Variants in RNF220 observed in about 807,000 individuals in gnomAD.
The protein encoded by RNF220 is ring finger protein 220, also known as E3 ubiquitin-protein ligase RNF220.
In RNF220, 7 loss-of-function variants were observed where a neutral mutation model predicts 67.1. That is an observed-to-expected ratio of 0.10 (90% CI 0.06 to 0.20). The LOEUF is 0.20. Among genes scored for constraint, RNF220 ranks in the 10% least tolerant of loss-of-function variants. The probability of loss-of-function intolerance (pLI) is 1.00; values close to 1 mark genes in which losing one functional copy is unlikely to be tolerated. For synonymous variants in RNF220, 270 were observed against 283.2 expected (o/e 0.95, Z 0.47); for missense variants, 565 against 740.3 (o/e 0.76, Z 2.75).
intron 2 of RNF220, among the ~76,000 whole-genome samples, chr1:44,477,213 C>G (rs1035833296): frequency 6.6e-6 from 1 of 152,206 alleles, no homozygotes; most frequent in Non-Finnish European, 1.5e-5. Flanking sequence ...CCAGTATCCA[C>G]CAGTCTTAAT....
chr1:44,589,344 G>A (rs1245344057), intron 2 of RNF220, among the ~76,000 whole-genome samples: 3 of 152,196 alleles, frequency 2.0e-5, no homozygotes, highest in Non-Finnish European at 2.9e-5. Context: ...GCCGGGCGTG[G>A]TGGCTCACGC....
At position 44,412,274 on chromosome 1, in the gene RNF220, T is replaced by C; in HGVS notation, c.177T>C (p.His59=). 1 of 1,614,214 alleles carries C rather than the reference T, an allele frequency of 6.2e-7. No homozygotes were observed. Among genetic ancestry groups the C allele is most frequent in the Non-Finnish European group, 8.5e-7 (1 of 1,180,042 alleles). ...CTGTCTCAGTTGACAAGGACGTGCA[T>C]ATTCCTTTCACCAACGGTTCCTATA... ...GVPVSVDKDV[H]IPFTNGSYTF... The change falls in exon 2 of 15, where the codon CAT becomes CAC. Residue 59 remains histidine (H), a synonymous_variant. Coordinates refer to ENST00000361799, the MANE Select transcript of RNF220 (RefSeq NM_018150.4). This position sits in a 1 kb window ranked among gnomAD's most constrained non-coding sequence, Gnocchi z 5.3.
intron 2 of RNF220, among the ~76,000 whole-genome samples, chr1:44,515,867 T>C (rs761440259): frequency 2.0e-5 from 3 of 152,214 alleles, no homozygotes; most frequent in African/African-American, 7.2e-5. Flanking sequence ...AATATTAAAA[T>C]TGTAAATTAC....
intron 12 of RNF220, among the ~76,000 whole-genome samples, chr1:44,647,364 C>T (rs569375868): frequency 6.6e-6 from 1 of 152,162 alleles, no homozygotes; most frequent in Non-Finnish European, 1.5e-5. Context: ...TACCTGTAAT[C>T]CAGATGGGGA....
intron 6 of RNF220, 28 bp downstream of exon 6, chr1:44,632,413 C>T (rs771965472): frequency 6.3e-7 from 1 of 1,598,142 alleles, no homozygotes; most frequent in Non-Finnish European, 8.5e-7. Context: ...CCTCCCTCCG[C>T]CCCACCCCCG....
chr1:44,509,066 G>A lies in RNF220; in HGVS notation c.625+96344G>A, dbSNP rs544503497. Among the ~76,000 whole-genome samples the A allele has an allele frequency of 1.1e-3, 172 of 152,202 alleles. 3 individuals carry two copies. In the South Asian group the frequency reaches 0.034, roughly 30 times the overall value. ...TGCCCCTACCTTCACCCCAGAGTAGGGTTTCTTAATGAAATTATATCTTTT... is the reference window on the plus strand; with the variant it reads ...TGCCCCTACCTTCACCCCAGAGTAGAGTTTCTTAATGAAATTATATCTTTT... On this transcript the variant is annotated intron_variant, in intron 2 of 14. Transcript: ENST00000361799.
chr1:44,519,438 G>A (rs1659729979), intron 2 of RNF220, among the ~76,000 whole-genome samples: 1 of 152,232 alleles, frequency 6.6e-6, no homozygotes, highest in Admixed American at 6.5e-5. Context: ...CTCAGAAGCG[G>A]AGGCTGCAAG....
intron 2 of RNF220, among the ~76,000 whole-genome samples, chr1:44,499,857 A>G (rs1572690065): frequency 6.6e-6 from 1 of 152,098 alleles, no homozygotes; most frequent in Admixed American, 6.5e-5. Flanking sequence ...CTTTATCTCT[A>G]CCCTGCCCGT....
At position 44,649,408 on chromosome 1, in the gene RNF220, G is replaced by A. The variant is rs1325746356; in HGVS notation, c.1446-253G>A. 6 of 545,196 alleles carry A rather than the reference G, an allele frequency of 1.1e-5. No homozygotes were observed. Among genetic ancestry groups the A allele is most frequent in the East Asian group, 6.4e-5 (2 of 31,370 alleles). The allele number at this position is 545,196 out of a possible 1,614,324, so 33.8% of individuals were successfully genotyped here. On this transcript the variant is annotated intron_variant, in intron 12 of 14. Coordinates refer to ENST00000361799, the MANE Select transcript of RNF220 (RefSeq NM_018150.4). This position sits in a 1 kb window ranked among gnomAD's most constrained non-coding sequence, Gnocchi z 5.9. The stretch of plus-strand genomic sequence containing the variant: ...AGATTTGGGTGGTTGGGAAGACTGC[G>A]AAGGAGTGGTTGAAAATGGTTCCCT...
chr1:44,527,210 A>G (rs1572775720), intron 2 of RNF220, among the ~76,000 whole-genome samples: 1 of 151,768 alleles, frequency 6.6e-6, no homozygotes, highest in African/African-American at 2.4e-5. Context: ...GCACCTCCAG[A>G]CTCAACATAT....
chr1:44,593,725 T>A lies in RNF220; in HGVS notation c.626-20440T>A, dbSNP rs270704. 4.9e-3 allele frequency among the ~76,000 whole-genome samples: 723 copies of A among 147,672 alleles called. 4 individuals are homozygous for A. Among genetic ancestry groups the A allele is most frequent in the African/African-American group, 0.017 (682 of 39,998 alleles). On this transcript the variant is annotated intron_variant, in intron 2 of 14. Transcript: ENST00000361799. ...AGAGTGAGACCCTGTCTCAAAAAAA[T>A]TTTTAAATGATATAAAATAAAATAA...
rs757813774 is a variant in RNF220 at position 44,514,727 on chromosome 1, AC to A, written c.626-99435del. ...ATCTTTTGGCTAACATGATAACAAG[AC>A]CCATAAATGAAACAAAATTGAATGT... is the stretch of plus-strand genomic sequence containing the variant. On this transcript the variant is annotated intron_variant, in intron 2 of 14. Coordinates refer to ENST00000361799, the MANE Select transcript of RNF220 (RefSeq NM_018150.4). Among the ~76,000 whole-genome samples, 3 of 152,220 alleles carry A rather than the reference AC, an allele frequency of 2.0e-5. No homozygotes were observed. In the East Asian group the frequency reaches 5.8e-4, roughly 29 times the overall value.
At chr1:44,633,361 C>G (rs972978242) in intron 6 of RNF220, among the ~76,000 whole-genome samples, 11 of 152,190 alleles carry the variant, frequency 7.2e-5, no homozygotes, top group African/African-American at 2.7e-4. Flanking sequence ...GTTTGTTTCC[C>G]ACCAAAGCCC....
intron 2 of RNF220, among the ~76,000 whole-genome samples, chr1:44,465,346 TA>T (rs1408670454): frequency 2.6e-5 from 4 of 151,292 alleles, no homozygotes; most frequent in Non-Finnish European, 2.9e-5. Flanking sequence ...CTAGAAGCCA[TA>T]AAAAAATTTT....
intron 2 of RNF220, among the ~76,000 whole-genome samples, chr1:44,613,272 A>ATTGTGTG (rs1643393945): frequency 6.7e-6 from 1 of 149,926 alleles, no homozygotes; most frequent in South Asian, 2.1e-4. Flanking sequence ...GCCACAGAGC[A>ATTGTGTG]TCCATGGATA....
rs150993356 is a variant in RNF220, at chr1:44,651,211, C to T, written c.*436C>T. The stretch of plus-strand genomic sequence containing the variant: ...CAACTCCTCGCCCTCTACCTGTCCC[C>T]TCCCCCTTTGGTTGTATGATTTTCT... On this transcript the variant is annotated 3_prime_UTR_variant, in exon 15 of 15. Coordinates refer to ENST00000361799, the MANE Select transcript of RNF220 (RefSeq NM_018150.4). The T allele has an allele frequency of 1.7e-3, 318 of 187,232 alleles. No individual in the cohort carries two copies. Among genetic ancestry groups the T allele is most frequent in the Admixed American group, 2.9e-3 (55 of 19,116 alleles). The allele number at this position is 187,232 out of a possible 1,614,324, so 11.6% of individuals were successfully genotyped here.
chr1:44,562,485 C>G (rs113033202), intron 2 of RNF220, among the ~76,000 whole-genome samples: 83 of 152,312 alleles, frequency 5.4e-4, no homozygotes, highest in Non-Finnish European at 1.0e-3. Context: ...AAAACTTTAA[C>G]AAGCATCCAT....
At chr1:44,464,197 A>G (rs905152736) in intron 2 of RNF220, among the ~76,000 whole-genome samples, 2 of 152,186 alleles carry the variant, frequency 1.3e-5, no homozygotes, top group Non-Finnish European at 2.9e-5. Flanking sequence ...ATGGATGTAT[A>G]TTTCTTGAGT....
intron 2 of RNF220, among the ~76,000 whole-genome samples, chr1:44,479,638 C>T (rs1655615768): frequency 1.3e-5 from 2 of 152,184 alleles, no homozygotes; most frequent in African/African-American, 4.8e-5. Flanking sequence ...ATTTTGACTT[C>T]ACCTGGAAAC....
Sources: allele counts gnomAD v4.1 joint callset (sites outside exome capture counted in the v4.1 genomes callset), GRCh38; gene constraint gnomAD v4.1.1; non-coding constraint Gnocchi (gnomAD v3.1); transcripts MANE v1.5; gene names NCBI Gene and HGNC (gene_info 2026-07-23, HGNC 2026-07-21).